Variants in IL6R observed in about 807,000 individuals in gnomAD.
IL6R encodes the protein interleukin-6 receptor subunit alpha.
In IL6R, 38 loss-of-function variants were observed where a neutral mutation model predicts 48.3. The ratio of observed to expected loss-of-function variants is 0.79; its 90% CI spans 0.61 to 1.03. The LOEUF is 1.03. Among genes scored for constraint, IL6R ranks in the 50% least tolerant of loss-of-function variants. The pLI is 0.00. For missense variants in IL6R, 534 were observed against 618.3 expected (o/e 0.86, Z 1.45); for synonymous variants, 264 against 256.2 (o/e 1.03, Z -0.29).
intron 6 of IL6R, chr1:154,437,411 A>T: frequency 2.8e-6 from 1 of 363,328 alleles, no homozygotes; most frequent in Non-Finnish European, 5.7e-6. Context: ...ATTTTTTTTA[A>T]CTTAAATTTT....
rs138363290 is a variant in IL6R at position 154,456,247 on chromosome 1, C to G, written c.1160+1666C>G. 5.1e-3 allele frequency among the ~76,000 whole-genome samples: 768 copies of G among 149,666 alleles called. 8 individuals carry two copies. Among genetic ancestry groups the G allele is most frequent in the African/African-American group, 0.018 (720 of 40,816 alleles). The stretch of plus-strand genomic sequence containing the variant: ...TGAGATGGAGTTTCGCTTTTGTTGC[C>G]CAGGCTGGAGTGCAGTGGTGCAATC... On this transcript the variant is annotated intron_variant, in intron 9 of 9. Transcript: ENST00000368485.
At chr1:154,434,017 G>A (rs890062414) in intron 3 of IL6R, among the ~76,000 whole-genome samples, 7 of 149,856 alleles carry the variant, frequency 4.7e-5, no homozygotes, top group Non-Finnish European at 8.9e-5. Flanking sequence ...GTGAGCCACC[G>A]CGCCCGGCCT....
chr1:154,418,028 C>T (rs749807952), intron 1 of IL6R, among the ~76,000 whole-genome samples: 29 of 151,996 alleles, frequency 1.9e-4, no homozygotes, highest in Non-Finnish European at 2.8e-4. Context: ...CCACTTCACC[C>T]GGCCTAATTT....
rs1455492560 is a variant in IL6R at position 154,429,282 on chromosome 1, G to A, written c.172G>A (p.Val58Ile). The A allele has an allele frequency of 1.2e-6, 2 of 1,614,164 alleles. No homozygotes were observed. Among genetic ancestry groups the A allele is most frequent in the Admixed American group, 3.3e-5 (2 of 60,022 alleles). Residue 58 changes from valine (V) to isoleucine (I), a missense_variant, in exon 2 of 10, where the codon GTT becomes ATT. Coordinates refer to ENST00000368485, the MANE Select transcript of IL6R (RefSeq NM_000565.4). ...GGTAGAGCCGGAAGACAATGCCACT[G>A]TTCACTGGGTGCTCAGGAAGCCGGC... The part of the protein sequence containing the change: ...PGVEPEDNAT[V>I]HWVLRKPAAG...
At chr1:154,428,736 G>A (rs1689114134) in intron 1 of IL6R, among the ~76,000 whole-genome samples, 1 of 152,284 alleles carries the variant, frequency 6.6e-6, no homozygotes, top group Non-Finnish European at 1.5e-5. Context: ...CTGGGGGACC[G>A]GAAACGATGT....
intron 9 of IL6R, among the ~76,000 whole-genome samples, chr1:154,463,688 A>G (rs1222251743): frequency 1.3e-5 from 2 of 152,210 alleles, no homozygotes; most frequent in African/African-American, 4.8e-5. Flanking sequence ...GCACAGTTGA[A>G]GGGCCCCTTT....
At chr1:154,406,590 C>T (rs1687731598) in intron 1 of IL6R, 1 of 152,266 alleles carries the variant, frequency 6.6e-6, no homozygotes, top group Admixed American at 6.5e-5. Flanking sequence ...TCTTTGAGGA[C>T]ACAGCAGAAA....
chr1:154,437,416 A>AT (rs1689688856), intron 6 of IL6R: 57 of 351,188 alleles, frequency 1.6e-4, no homozygotes, highest in Non-Finnish European at 2.4e-4. Context: ...TTTTAACTTA[A>AT]ATTTTTTTTT....
rs1167311454 is a variant in IL6R, at chr1:154,429,183, C to A, written c.86-13C>A. On this transcript the variant is annotated splice_polypyrimidine_tract_variant and intron_variant, in intron 1 of 9. Transcript: ENST00000368485. ...TGGCTGTGGGCTCACCAAGTGTCTTCTCCCTCCTCCAGAGGTGGCGAGAGG... is the reference window on the plus strand; with the variant it reads ...TGGCTGTGGGCTCACCAAGTGTCTTATCCCTCCTCCAGAGGTGGCGAGAGG... 1 of 1,603,192 alleles carries A rather than the reference C, an allele frequency of 6.2e-7. No homozygotes were observed. Among genetic ancestry groups the A allele is most frequent in the Non-Finnish European group, 8.5e-7 (1 of 1,171,138 alleles).
chr1:154,432,379 A>G (rs1689340850), intron 3 of IL6R, among the ~76,000 whole-genome samples: 1 of 142,376 alleles, frequency 7.0e-6, no homozygotes, highest in Non-Finnish European at 1.5e-5. Context: ...TTTTTTTGAG[A>G]TGGAGTTTCG....
rs368851232 is a variant in IL6R, at chr1:154,457,862, C to T, written c.1160+3281C>T. Among the ~76,000 whole-genome samples, 4 of 152,200 alleles carry T rather than the reference C, an allele frequency of 2.6e-5. No individual in the cohort carries two copies. The East Asian group carries it at 7.7e-4, about 29-fold the overall frequency. Reference sequence around the variant, plus strand: ...CATCAGACCCTGCCAGTAGCCCTGACCTAGCTTGACTACCAAGTGTGGTGT... The same window carrying T: ...CATCAGACCCTGCCAGTAGCCCTGATCTAGCTTGACTACCAAGTGTGGTGT... On this transcript the variant is annotated intron_variant, in intron 9 of 9. Coordinates refer to ENST00000368485, the MANE Select transcript of IL6R (RefSeq NM_000565.4).
Position 154,450,026 on chromosome 1 carries a change from G to C in IL6R, c.1066+46G>C, listed in dbSNP as rs1690490150. The C allele has an allele frequency of 2.5e-6, 3 of 1,214,974 alleles. No homozygotes were observed. The East Asian group carries it at 7.0e-5, about 28-fold the overall frequency. The allele number at this position is 1,214,974 out of a possible 1,614,324, so 75.3% of individuals were successfully genotyped here. On this transcript the variant is annotated intron_variant, in intron 8 of 9. Transcript: ENST00000368485. ...TATTCCCAGGGTCCGAGGGACAGAA[G>C]ATTTGTCTCTGCAGAAAGTCCTTTC...
At chr1:154,421,323 G>A (rs1408328247) in intron 1 of IL6R, among the ~76,000 whole-genome samples, 1 of 152,216 alleles carries the variant, frequency 6.6e-6, no homozygotes, top group Non-Finnish European at 1.5e-5. Context: ...ACTTTTGACA[G>A]GCTTGGCTCA....
chr1:154,458,900 C>CAAAA (rs757806352), intron 9 of IL6R, among the ~76,000 whole-genome samples: 1 of 123,964 alleles, frequency 8.1e-6, no homozygotes, highest in Non-Finnish European at 1.7e-5. Context: ...GACTCCATCT[C>CAAAA]AAAAAAAAAA....
chr1:154,436,215 G>A, intron 6 of IL6R, 105 bp downstream of exon 6: 2 of 1,310,240 alleles, frequency 1.5e-6, no homozygotes, highest in Non-Finnish European at 1.0e-6. Flanking sequence ...CTTAGGCCAG[G>A]TGTGGTGGCT....
chr1:154,414,458 C>T, intron 1 of IL6R: 2 of 1,190,470 alleles, frequency 1.7e-6, no homozygotes, highest in Non-Finnish European at 1.2e-6. Context: ...CTGCTGCTGG[C>T]CGGCAAAACT....
At chr1:154,452,801 A>C (rs1292846187) in intron 8 of IL6R, among the ~76,000 whole-genome samples, 6 of 148,010 alleles carry the variant, frequency 4.1e-5, no homozygotes, top group Admixed American at 2.0e-4. Context: ...ACTGAGCAAG[A>C]CTCCGTCTCA....
chr1:154,460,475 G>T (rs1691188036), intron 9 of IL6R, among the ~76,000 whole-genome samples: 1 of 151,966 alleles, frequency 6.6e-6, no homozygotes. Context: ...AGGTCAATAG[G>T]GACTTAAAAA....
In IL6R at chr1:154,468,351, GA is replaced by G. The variant is rs1182735214; in HGVS notation, c.*2974del. ...AGCCATCTGCCACGCAGCCAGACGT[GA>G]AACGCTGAGACAGAGACCATTTAGG... On this transcript the variant is annotated 3_prime_UTR_variant, in exon 10 of 10. Coordinates refer to ENST00000368485, the MANE Select transcript of IL6R (RefSeq NM_000565.4). 2 of 152,250 alleles carry G rather than the reference GA, an allele frequency of 1.3e-5. No individual in the cohort carries two copies. Among genetic ancestry groups the G allele is most frequent in the African/African-American group, 4.8e-5 (2 of 41,460 alleles). The allele number at this position is 152,250 out of a possible 1,614,324, so 9.4% of individuals were successfully genotyped here.
Sources: allele counts gnomAD v4.1 joint callset (sites outside exome capture counted in the v4.1 genomes callset), GRCh38; gene constraint gnomAD v4.1.1; transcripts MANE v1.5; gene names NCBI Gene and HGNC (gene_info 2026-07-23, HGNC 2026-07-21).